The following RALGPS1 variants were observed in gnomAD, a reference collection of about 807,000 sequenced individuals.
RALGPS1 encodes the protein Ral GEF with PH domain and SH3 binding motif 1, also known as ras-specific guanine nucleotide-releasing factor RalGPS1.
A neutral mutation model predicts 78.8 loss-of-function variants in RALGPS1; 19 were observed. The ratio of observed to expected loss-of-function variants is 0.24; its 90% CI spans 0.17 to 0.35. The LOEUF (loss-of-function observed/expected upper bound fraction) is 0.35, where lower values mean the gene tolerates loss of function less well. Among genes scored for constraint, RALGPS1 ranks in the 10% least tolerant of loss-of-function variants. The pLI, the probability that RALGPS1 is intolerant of heterozygous loss-of-function variation, is 1.00. For missense variants in RALGPS1, 454 were observed against 688.3 expected (o/e 0.66, Z 3.81); for synonymous variants, 228 against 256.3 (o/e 0.89, Z 1.06).
chr9:127,198,873 C>A (rs875382), intron 13 of RALGPS1, 142 bp from the exon 14 acceptor site: 19 of 752,860 alleles, frequency 2.5e-5, no homozygotes, highest in Non-Finnish European at 3.6e-5. Flanking sequence ...AGCAAAAACT[C>A]GAGTACGTTG....
chr9:127,094,319 G>T (rs975048220), intron 8 of RALGPS1, among the ~76,000 whole-genome samples: 1 of 152,172 alleles, frequency 6.6e-6, no homozygotes, highest in African/African-American at 2.4e-5. Flanking sequence ...CATTATATTA[G>T]GAAAAAGAGA....
intron 8 of RALGPS1, among the ~76,000 whole-genome samples, chr9:127,115,180 A>AATTATT (rs112610239): frequency 1.5e-4 from 22 of 151,288 alleles, no homozygotes; most frequent in East Asian, 3.9e-4. Flanking sequence ...TGTCTTACGT[A>AATTATT]ATTATTATTA....
At chr9:127,185,961 C>G (rs2060617089) in intron 11 of RALGPS1, among the ~76,000 whole-genome samples, 1 of 152,118 alleles carries the variant, frequency 6.6e-6, no homozygotes, top group Admixed American at 6.5e-5. Context: ...GTGAGGTGAC[C>G]TACTCAAGGT....
chr9:127,105,111 C>T (rs1487305460), intron 8 of RALGPS1, among the ~76,000 whole-genome samples: 1 of 152,208 alleles, frequency 6.6e-6, no homozygotes, highest in Admixed American at 6.5e-5. Flanking sequence ...CACAGCTAGG[C>T]ACTCAATCCC....
intron 4 of RALGPS1, among the ~76,000 whole-genome samples, chr9:126,994,008 C>G (rs2042508068): frequency 6.6e-6 from 1 of 152,052 alleles, no homozygotes; most frequent in African/African-American, 2.4e-5. Context: ...GGAAGAACAT[C>G]CACACCAAAA....
intron 1 of RALGPS1, among the ~76,000 whole-genome samples, chr9:126,956,808 T>G (rs2038387727): frequency 6.6e-6 from 1 of 152,226 alleles, no homozygotes. Flanking sequence ...TAGAAAATTG[T>G]ATGATAACAC....
At chr9:127,156,835 A>G (rs867944701) in intron 8 of RALGPS1, among the ~76,000 whole-genome samples, 55 of 152,008 alleles carry the variant, frequency 3.6e-4, no homozygotes, top group African/African-American at 1.3e-3. Flanking sequence ...ATTCTTCTGT[A>G]TTTTATTCAA....
At chr9:127,117,809 G>C (rs1446267170) in intron 8 of RALGPS1, among the ~76,000 whole-genome samples, 3 of 152,258 alleles carry the variant, frequency 2.0e-5, no homozygotes, top group Non-Finnish European at 2.9e-5. Context: ...GGAGGTTGGA[G>C]TGGGACCACC....
chr9:127,094,011 CTGTT>C (rs933868006), intron 8 of RALGPS1: 68 of 1,477,402 alleles, frequency 4.6e-5, no homozygotes, highest in Non-Finnish European at 5.3e-5. Flanking sequence ...GGCACAACCT[CTGTT>C]GAGGCTCCAG....
chr9:127,022,794 G>A (rs1158693569), intron 4 of RALGPS1, among the ~76,000 whole-genome samples: 1 of 152,144 alleles, frequency 6.6e-6, no homozygotes, highest in Non-Finnish European at 1.5e-5. Flanking sequence ...CAGCTTGTCA[G>A]ACAGGCCTGC....
At position 127,157,060 on chromosome 9, in the gene RALGPS1, T is replaced by G. The variant is rs987509865; in HGVS notation, c.611-9009T>G. 2.0e-5 allele frequency among the ~76,000 whole-genome samples: 3 copies of G among 152,088 alleles called. No individual in the cohort carries two copies. The South Asian group carries it at 6.2e-4, about 31-fold the overall frequency. ...TCTATGTATGTATTGCTGGGCTCCC[T>G]TTATTTGTCTAACTCTGTAGCAATA... is the stretch of plus-strand genomic sequence containing the variant. On this transcript the variant is annotated intron_variant, in intron 8 of 18. Transcript: ENST00000259351.
chr9:126,993,894 C>T (rs543856652), intron 4 of RALGPS1, among the ~76,000 whole-genome samples: 2 of 152,262 alleles, frequency 1.3e-5, no homozygotes, highest in East Asian at 1.9e-4. Flanking sequence ...CTGCAGCCAC[C>T]GCTGCTGAAA....
intron 5 of RALGPS1, among the ~76,000 whole-genome samples, chr9:127,038,260 C>A (rs1281038985): frequency 6.6e-6 from 1 of 152,210 alleles, no homozygotes; most frequent in Non-Finnish European, 1.5e-5. Flanking sequence ...AGCATTTTAC[C>A]CGTGCTATCT....
intron 8 of RALGPS1, among the ~76,000 whole-genome samples, chr9:127,124,480 C>T (rs2056455259): frequency 6.6e-6 from 1 of 152,222 alleles, no homozygotes; most frequent in South Asian, 2.1e-4. Context: ...TGAGGCCCCA[C>T]ACACTGGGGA....
chr9:127,035,592 G>A (rs957513211), intron 5 of RALGPS1, among the ~76,000 whole-genome samples: 2 of 152,038 alleles, frequency 1.3e-5, no homozygotes, highest in African/African-American at 4.8e-5. Flanking sequence ...TCTCCAGCTG[G>A]GCCTTCTCTC....
intron 12 of RALGPS1, among the ~76,000 whole-genome samples, chr9:127,195,962 C>T (rs1227103357): frequency 6.6e-6 from 1 of 152,250 alleles, no homozygotes; most frequent in Non-Finnish European, 1.5e-5. Context: ...CTGTGCTAGA[C>T]ACTCTGCATA....
intron 2 of RALGPS1, among the ~76,000 whole-genome samples, chr9:126,965,636 C>T (rs2039409052): frequency 6.6e-6 from 1 of 152,192 alleles, no homozygotes; most frequent in Admixed American, 6.5e-5. Flanking sequence ...ATAATTTGTA[C>T]TCATAGGGCA....
Position 127,028,270 on chromosome 9 carries a change from G to A in RALGPS1, c.217-6161G>A, listed in dbSNP as rs185374141. Among the ~76,000 whole-genome samples, 6 of 152,358 alleles carry A rather than the reference G, an allele frequency of 3.9e-5. No homozygotes were observed. In the East Asian group the frequency reaches 7.7e-4, roughly 20 times the overall value. ...TAGGCTGCAAGCCTGCCGGAGCCCCGGCTAAGGCCTGCAGCTCTGTTCTGG... is the reference window on the plus strand; with the variant it reads ...TAGGCTGCAAGCCTGCCGGAGCCCCAGCTAAGGCCTGCAGCTCTGTTCTGG... On this transcript the variant is annotated intron_variant, in intron 4 of 18. Transcript: ENST00000259351.
chr9:126,936,743 G>A (rs1167821031), intron 1 of RALGPS1, among the ~76,000 whole-genome samples: 1 of 152,060 alleles, frequency 6.6e-6, no homozygotes, highest in Non-Finnish European at 1.5e-5. Context: ...TTTATTAAAT[G>A]TACCTGAGGA....
Sources: gnomAD v4.1 joint callset for allele counts (sites outside exome capture counted in the v4.1 genomes callset) on GRCh38, gnomAD v4.1.1 for gene constraint, MANE v1.5 for transcripts, NCBI Gene and HGNC (gene_info 2026-07-23, HGNC 2026-07-21) for gene names.